PSMG2: variants seen among roughly 807,000 people sequenced by gnomAD.
PSMG2 encodes the protein proteasome assembly chaperone 2.
PSMG2 carries 21 observed loss-of-function variants against 31.5 expected under a neutral mutation model. That is an observed-to-expected ratio of 0.67 (90% CI 0.47 to 0.96). The LOEUF is 0.96. Among genes scored for constraint, PSMG2 ranks in the 40% least tolerant of loss-of-function variants. The pLI is 0.00. For synonymous variants in PSMG2, 120 were observed against 110.4 expected (o/e 1.09, Z -0.54); for missense variants, 318 against 321.2 (o/e 0.99, Z 0.08).
intron 1 of PSMG2, chr18:12,662,110 T>G (rs1438575817): frequency 4.5e-6 from 2 of 441,622 alleles, no homozygotes; most frequent in Non-Finnish European, 4.5e-6. Context: ...GCACCATCAC[T>G]GTGCAGCCCA....
At chr18:12,667,449 A>T (rs1238437043) in intron 1 of PSMG2, among the ~76,000 whole-genome samples, 2 of 152,044 alleles carry the variant, frequency 1.3e-5, no homozygotes, top group Non-Finnish European at 2.9e-5. Flanking sequence ...AGAGTGAGAC[A>T]GTCTCTTGAA....
At chr18:12,702,430 G>A (rs908500662), upstream of PSMG2, 6 of 1,374,946 alleles carry the variant, frequency 4.4e-6, no homozygotes, top group Admixed American at 1.8e-5. Context: ...CCGCCGGGCA[G>A]GAGGGAAAGG....
chr18:12,720,729 T>G, intron 5 of PSMG2, 46 bp downstream of exon 5: 1 of 1,566,364 alleles, frequency 6.4e-7, no homozygotes, highest in African/African-American at 1.4e-5. Flanking sequence ...TACTTAAAAA[T>G]GAAATTAATG....
intron 5 of PSMG2, among the ~76,000 whole-genome samples, chr18:12,721,185 A>G (rs536431065): frequency 6.6e-6 from 1 of 152,332 alleles, no homozygotes; most frequent in South Asian, 2.1e-4. Flanking sequence ...CTCAAAAAGA[A>G]AAAAAGAAAA....
chr18:12,702,552 G>A (rs924288680), upstream of PSMG2: 37 of 1,583,710 alleles, frequency 2.3e-5, no homozygotes, highest in Non-Finnish European at 3.2e-5. Flanking sequence ...GCGACATGCT[G>A]GCAGCCGGCG....
chr18:12,724,665 C>T, intron 6 of PSMG2, 46 bp downstream of exon 6: 2 of 1,516,048 alleles, frequency 1.3e-6, no homozygotes, highest in African/African-American at 2.8e-5. Context: ...TGGTTGTATT[C>T]ATTAACTCGC....
chr18:12,662,216 TA>T (rs1410621225), intron 1 of PSMG2: 1 of 443,520 alleles, frequency 2.3e-6, no homozygotes, highest in South Asian at 1.6e-5. Context: ...GCATATTTTT[TA>T]ATGTTGTAAC....
At chr18:12,701,209 A>C, upstream of PSMG2, 1 of 815,584 alleles carries the variant, frequency 1.2e-6, no homozygotes, top group Non-Finnish European at 2.0e-6. Context: ...GTAAATGCAC[A>C]ATTGTTACCA....
At chr18:12,677,458 C>CAA (rs71174127) in intron 1 of PSMG2, among the ~76,000 whole-genome samples, 51 of 53,930 alleles carry the variant, frequency 9.5e-4, no homozygotes, top group African/African-American at 1.8e-3. Context: ...GATTCCATCT[C>CAA]AAAAAAAAAA....
At chr18:12,722,589 T>C (rs1347070743) in intron 5 of PSMG2, among the ~76,000 whole-genome samples, 1 of 152,162 alleles carries the variant, frequency 6.6e-6, no homozygotes, top group Non-Finnish European at 1.5e-5. Flanking sequence ...AAGTTAGCGG[T>C]GATAAACAGA....
intron 1 of PSMG2, chr18:12,684,816 T>G (rs974121547): frequency 1.3e-5 from 2 of 151,908 alleles, no homozygotes; most frequent in Non-Finnish European, 2.9e-5. Context: ...TATCATACTA[T>G]CAACATTTTT....
At chr18:12,690,606 C>T (rs577117563) in intron 1 of PSMG2, among the ~76,000 whole-genome samples, 14 of 152,208 alleles carry the variant, frequency 9.2e-5, no homozygotes, top group African/African-American at 3.4e-4. Context: ...TAGGAGCCCG[C>T]CATCACGCCC....
At chr18:12,699,765 G>C (rs1291366676), upstream of PSMG2, 1 of 898,244 alleles carries the variant, frequency 1.1e-6, no homozygotes, top group South Asian at 1.9e-5. Flanking sequence ...TATCAAATAC[G>C]AAAGACTACA....
intron 1 of PSMG2, among the ~76,000 whole-genome samples, chr18:12,675,737 C>T (rs183913995): frequency 6.6e-6 from 1 of 152,038 alleles, no homozygotes; most frequent in African/African-American, 2.4e-5. Context: ...GGCGCGATCT[C>T]GGCTCACTGC....
chr18:12,724,684 T>C (rs765409187), intron 6 of PSMG2, 65 bp downstream of exon 6: 2 of 1,452,792 alleles, frequency 1.4e-6, no homozygotes, highest in Non-Finnish European at 9.2e-7. Context: ...GCACTTTATA[T>C]ACTACCTAAG....
chr18:12,688,892 G>T (rs2847305), intron 1 of PSMG2, among the ~76,000 whole-genome samples: 21,542 of 151,884 alleles, frequency 0.14, 1,683 homozygotes, highest in East Asian at 0.23. Context: ...AGGCGGGCGG[G>T]TCATGAGGTC....
chr18:12,711,520 A>G (rs2040331006), intron 2 of PSMG2, among the ~76,000 whole-genome samples: 1 of 152,098 alleles, frequency 6.6e-6, no homozygotes, highest in African/African-American at 2.4e-5. Flanking sequence ...TGGACTGAAC[A>G]TACCTGGTGC....
chr18:12,696,485 G>A (rs956372927), intron 1 of PSMG2, among the ~76,000 whole-genome samples: 1 of 151,292 alleles, frequency 6.6e-6, no homozygotes, highest in Non-Finnish European at 1.5e-5. Flanking sequence ...CCTGGTGACA[G>A]AGCGAGACTC....
intron 1 of PSMG2, among the ~76,000 whole-genome samples, chr18:12,676,859 A>C (rs2144993791): frequency 6.6e-6 from 1 of 152,326 alleles, no homozygotes; most frequent in Non-Finnish European, 1.5e-5. Context: ...CATGTTTGAT[A>C]AATCAGTTTG....
Sources: allele counts gnomAD v4.1 joint callset (sites outside exome capture counted in the v4.1 genomes callset), GRCh38; gene constraint gnomAD v4.1.1; transcripts MANE v1.5; gene names NCBI Gene and HGNC (gene_info 2026-07-23, HGNC 2026-07-21).